Variants in GSDMB observed in about 807,000 individuals in gnomAD.
The protein encoded by GSDMB is gasdermin B, also known as gasdermin-B.
A neutral mutation model predicts 42.9 loss-of-function variants in GSDMB; 32 were observed. The observed-to-expected ratio is 0.75, with a 90% confidence interval of 0.56 to 1.00. The LOEUF is 1.00. Ranked by LOEUF, GSDMB falls within the 50% of genes least tolerant of loss-of-function variation. The pLI, the probability that GSDMB is intolerant of heterozygous loss-of-function variation, is 0.00. For missense variants in GSDMB, 468 were observed against 498.5 expected, an observed-to-expected ratio of 0.94 and a Z score of 0.58; for synonymous variants, 175 against 193.7, an observed-to-expected ratio of 0.90 and a Z score of 0.80.
chr17:39,905,097 A>G, intron 10 of GSDMB, 133 bp from the exon 11 acceptor site: 2 of 757,210 alleles, frequency 2.6e-6, no homozygotes, highest in South Asian at 1.7e-5. Context: ...TTTCCTGCAG[A>G]GCCCGGAGAG....
intron 9 of GSDMB, among the ~76,000 whole-genome samples, 160 bp downstream of exon 9, chr17:39,905,687 G>A (rs940490264): frequency 1.3e-5 from 2 of 152,076 alleles, no homozygotes; most frequent in African/African-American, 4.8e-5. Flanking sequence ...TCACAGACGA[G>A]GAACCAGCCC....
chr17:39,908,771 C>A (rs34572227), intron 5 of GSDMB, among the ~76,000 whole-genome samples, 187 bp downstream of exon 5: 4,244 of 152,216 alleles, frequency 0.028, 210 homozygotes, highest in African/African-American at 0.097. Flanking sequence ...GGGTCCAGGT[C>A]CCCAGGTCAG....
At position 39,905,907 on chromosome 17, in the gene GSDMB, C is replaced by T; in HGVS notation, c.967G>A (p.Ala323Thr). ...KPLLSSLFNAAGVLVEARAKA... is the reference protein window; with the variant it reads ...KPLLSSLFNATGVLVEARAKA... Reference sequence around the variant, plus strand: ...GCACGCGCTTCTACCAAGACCCCAGCAGCATTAAAAAGGCTGCTTAGGAGA... The same window carrying T: ...GCACGCGCTTCTACCAAGACCCCAGTAGCATTAAAAAGGCTGCTTAGGAGA... The change falls in exon 9 of 11, where the codon GCT (alanine) becomes ACT (threonine). Residue 323 changes from alanine (A) to threonine (T), a missense_variant. By Grantham distance (58) the Ala-to-Thr change is moderately conservative. Transcript: ENST00000418519. The T allele has an allele frequency of 6.2e-7, 1 of 1,614,130 alleles. No individual in the cohort carries two copies. Among genetic ancestry groups the T allele is most frequent in the Non-Finnish European group, 8.5e-7 (1 of 1,179,998 alleles).
At chr17:39,916,704 T>C (rs930950090) in intron 2 of GSDMB, among the ~76,000 whole-genome samples, 1 of 152,180 alleles carries the variant, frequency 6.6e-6, no homozygotes, top group African/African-American at 2.4e-5. Flanking sequence ...GAGCCAGGCT[T>C]TGAAACCAGG....
chr17:39,905,574 A>G (rs2063489712), intron 9 of GSDMB, 78 bp from the exon 10 acceptor site: 2 of 1,181,834 alleles, frequency 1.7e-6, no homozygotes, highest in Non-Finnish European at 2.5e-6. Flanking sequence ...CACCCAGAAC[A>G]TGTATCATCA....
At chr17:39,909,097 T>C (rs2063560320) in intron 4 of GSDMB, 55 bp from the exon 5 acceptor site, 2 of 1,006,656 alleles carry the variant, frequency 2.0e-6, no homozygotes, top group Non-Finnish European at 3.0e-6. Flanking sequence ...ATCATTATCT[T>C]GCCTGATCTC....
chr17:39,908,861 A>C, intron 5 of GSDMB, 97 bp downstream of exon 5: 118 of 723,710 alleles, frequency 1.6e-4, no homozygotes, highest in East Asian at 2.7e-4. Flanking sequence ...CTCACCAGCC[A>C]CCCACCCTAG....
intron 5 of GSDMB, 34 bp downstream of exon 5, chr17:39,908,924 C>T (rs186360049): frequency 1.4e-5 from 18 of 1,330,924 alleles, no homozygotes; most frequent in Middle Eastern, 1.9e-4. Flanking sequence ...GTGTTTAGGG[C>T]CCCCCATCCT....
intron 3 of GSDMB, among the ~76,000 whole-genome samples, chr17:39,911,136 G>C (rs2063600044): frequency 6.6e-6 from 1 of 151,976 alleles, no homozygotes; most frequent in African/African-American, 2.4e-5. Flanking sequence ...CTGGCCAATA[G>C]GGTGAATGAA....
In GSDMB at chr17:39,916,262, G is replaced by A. The variant is rs183061863; in HGVS notation, c.235+820C>T. Among the ~76,000 whole-genome samples the A allele has an allele frequency of 3.3e-3, 482 of 148,298 alleles. 2 individuals carry two copies. The highest frequency in any genetic ancestry group is 0.011 in the African/African-American group (455 of 40,058). ...GCAGGCACTGTGATAAATGATTCAC[G>A]TAATTTGTTCTCATTTGATTTTTTT... On this transcript the variant is annotated intron_variant, in intron 2 of 10. Transcript: ENST00000418519.
At chr17:39,906,852 C>T (rs2063513840) in intron 7 of GSDMB, 109 bp downstream of exon 7, 1 of 1,578,134 alleles carries the variant, frequency 6.3e-7, no homozygotes, top group Non-Finnish European at 8.6e-7. Flanking sequence ...GCAGTGCCTC[C>T]CGACTTCCTA....
In GSDMB at chr17:39,906,983, C is replaced by G; in HGVS notation, c.705G>C (p.Lys235Asn). The G allele has an allele frequency of 6.2e-7, 1 of 1,614,052 alleles. No individual in the cohort carries two copies. The highest frequency in any genetic ancestry group is 8.5e-7 in the Non-Finnish European group (1 of 1,179,942). Residue 235 changes from lysine to asparagine, a missense_variant, in exon 7 of 11, where the codon AAG becomes AAC. Transcript: ENST00000418519. ...RGKTKSFPEE[K>N]DGASSCLGKS... is the part of the protein sequence containing the mutation. ...TACCTAAACAGGATGAAGCACCATC[C>G]TTCTCTGCAGAGAGAGGAAGAGTTA...
At chr17:39,918,254 T>A (rs2063751069) in intron 1 of GSDMB, 1 of 151,996 alleles carries the variant, frequency 6.6e-6, no homozygotes, top group South Asian at 2.1e-4. Context: ...TGCAAGGCAA[T>A]TGGATGGGTG....
intron 4 of GSDMB, chr17:39,909,351 A>T (rs1309876986): frequency 7.4e-6 from 3 of 404,762 alleles, no homozygotes; most frequent in Admixed American, 4.4e-5. Flanking sequence ...AAGGAGACAG[A>T]CAATAAACAA....
At chr17:39,911,915 G>A (rs944564144) in intron 3 of GSDMB, among the ~76,000 whole-genome samples, 8 of 151,412 alleles carry the variant, frequency 5.3e-5, no homozygotes, top group Admixed American at 2.6e-4. Context: ...TAGCCTGGCC[G>A]ACAGAGCGAG....
At chr17:39,916,615 C>A (rs1223068761) in intron 2 of GSDMB, among the ~76,000 whole-genome samples, 1 of 152,034 alleles carries the variant, frequency 6.6e-6, no homozygotes, top group East Asian at 1.9e-4. Flanking sequence ...CAACAGTCCT[C>A]TAGAGTTGAC....
chr17:39,911,923 G>C (rs746907204), intron 3 of GSDMB, among the ~76,000 whole-genome samples: 1 of 151,514 alleles, frequency 6.6e-6, no homozygotes, highest in Non-Finnish European at 1.5e-5. Flanking sequence ...CCGACAGAGC[G>C]AGACTCCGTC....
rs770824077 is a variant in GSDMB, at chr17:39,909,024, T to C, written c.595A>G (p.Ile199Val). ...YKHKGQREVTIPPNRVLSYRV... is the reference protein window; with the variant it reads ...YKHKGQREVTVPPNRVLSYRV... ...TAGCTCAGGACCCGATTTGGGGGGA[T>C]GGTCACTTCCCTTTGGCCCTAGAAA... The change falls in exon 5 of 11, where the codon ATC becomes GTC. Residue 199 changes from isoleucine (I) to valine (V), a missense_variant. Transcript: ENST00000418519. 5.0e-6 allele frequency: 8 copies of C among 1,599,940 alleles called. No individual in the cohort carries two copies. The highest frequency in any genetic ancestry group is 1.7e-5 in the Admixed American group (1 of 57,728).
intron 2 of GSDMB, among the ~76,000 whole-genome samples, chr17:39,916,840 G>A (rs778817811): frequency 2.0e-5 from 3 of 152,052 alleles, no homozygotes; most frequent in Non-Finnish European, 4.4e-5. Context: ...ATTTTACAAG[G>A]GAAAAAATGG....
Sources: allele counts gnomAD v4.1 joint callset (sites outside exome capture counted in the v4.1 genomes callset), GRCh38; gene constraint gnomAD v4.1.1; transcripts MANE v1.5; gene names NCBI Gene and HGNC (gene_info 2026-07-23, HGNC 2026-07-21).